BBX: variants seen among roughly 807,000 people sequenced by gnomAD.
BBX encodes HMG box transcription factor BBX.
BBX carries 30 observed loss-of-function variants against 100.2 expected under a neutral mutation model. The observed-to-expected ratio is 0.30, with a 90% CI of 0.22 to 0.41. The LOEUF (loss-of-function observed/expected upper bound fraction) is 0.41, where lower values mean the gene tolerates loss of function less well. BBX is among the 10% of genes least tolerant of loss of function. BBX has a pLI of 1.00. For missense variants in BBX, 1,023 were observed against 1,129.8 expected (o/e 0.91, Z 1.35); for synonymous variants, 376 against 388.1 (o/e 0.97, Z 0.37).
chr3:107,600,070 G>A (rs1042615672), intron 2 of BBX, among the ~76,000 whole-genome samples: 2 of 152,202 alleles, frequency 1.3e-5, no homozygotes, highest in African/African-American at 4.8e-5. Context: ...TTACATTTAA[G>A]TGGAAAAATC....
intron 3 of BBX, among the ~76,000 whole-genome samples, chr3:107,696,567 G>A (rs541967882): frequency 2.6e-5 from 4 of 151,980 alleles, no homozygotes; most frequent in South Asian, 4.1e-4. Flanking sequence ...CAAGAGATCC[G>A]CTGTTAGTCT....
chr3:107,545,623 C>G (rs2049177098), intron 2 of BBX, among the ~76,000 whole-genome samples: 1 of 152,128 alleles, frequency 6.6e-6, no homozygotes. Flanking sequence ...GTAATGCCTT[C>G]TTTATCTTTG....
intron 2 of BBX, among the ~76,000 whole-genome samples, chr3:107,551,925 C>A (rs1341961419): frequency 6.6e-6 from 1 of 152,158 alleles, no homozygotes; most frequent in Non-Finnish European, 1.5e-5. Flanking sequence ...GAAGAAAGCC[C>A]TATGTTTACT....
At chr3:107,740,176 C>G (rs1297863452) in intron 7 of BBX, among the ~76,000 whole-genome samples, 1 of 151,886 alleles carries the variant, frequency 6.6e-6, no homozygotes, top group African/African-American at 2.4e-5. Context: ...GTCAGGTAGC[C>G]GAGTGCAGTG....
At chr3:107,769,241 G>A (rs2066689406) in intron 10 of BBX, among the ~76,000 whole-genome samples, 1 of 139,026 alleles carries the variant, frequency 7.2e-6, no homozygotes, top group Admixed American at 6.9e-5. Context: ...CAGATAGATA[G>A]GATAGATAGA....
At chr3:107,552,884 A>C (rs1374736891) in intron 2 of BBX, among the ~76,000 whole-genome samples, 1 of 152,234 alleles carries the variant, frequency 6.6e-6, no homozygotes, top group Admixed American at 6.5e-5. Flanking sequence ...AGGACATTGC[A>C]TTTCCAAATA....
At chr3:107,655,562 A>C (rs2058087872) in intron 3 of BBX, among the ~76,000 whole-genome samples, 1 of 144,774 alleles carries the variant, frequency 6.9e-6, no homozygotes, top group Non-Finnish European at 1.5e-5. Context: ...TCTGTTTCCC[A>C]AGCTGGAGTG....
chr3:107,705,124 A>G (rs9883282), intron 3 of BBX, among the ~76,000 whole-genome samples: 1 of 151,978 alleles, frequency 6.6e-6, no homozygotes, highest in Non-Finnish European at 1.5e-5. Flanking sequence ...TAGAGTTTCC[A>G]CTATGTTACA....
chr3:107,767,929 A>C (rs1705684788), intron 10 of BBX, among the ~76,000 whole-genome samples: 1 of 152,166 alleles, frequency 6.6e-6, no homozygotes, highest in African/African-American at 2.4e-5. Context: ...GGGAACTGGT[A>C]AAGAGGCATC....
At chr3:107,752,747 T>TG (rs2065173060) in intron 9 of BBX, among the ~76,000 whole-genome samples, 1 of 152,194 alleles carries the variant, frequency 6.6e-6, no homozygotes, top group South Asian at 2.1e-4. Context: ...ATTAACTTAT[T>TG]GGCAAGCCCT....
chr3:107,557,781 A>G (rs1451274381), intron 2 of BBX, among the ~76,000 whole-genome samples: 1 of 152,362 alleles, frequency 6.6e-6, no homozygotes, highest in Non-Finnish European at 1.5e-5. Flanking sequence ...AGTACAGTGC[A>G]TACCTTAAGC....
intron 2 of BBX, among the ~76,000 whole-genome samples, chr3:107,585,381 G>A (rs1213780406): frequency 6.6e-6 from 1 of 152,090 alleles, no homozygotes; most frequent in Non-Finnish European, 1.5e-5. Context: ...ACAGTAGTCT[G>A]GTTATTTATG....
chr3:107,760,654 G>A (rs1261996697), intron 10 of BBX, among the ~76,000 whole-genome samples: 1 of 152,114 alleles, frequency 6.6e-6, no homozygotes, highest in Non-Finnish European at 1.5e-5. Context: ...ATGAATGTGT[G>A]AAACTAGGGA....
intron 4 of BBX, among the ~76,000 whole-genome samples, chr3:107,712,116 A>G (rs1022948404): frequency 6.6e-5 from 10 of 152,224 alleles, no homozygotes; most frequent in East Asian, 1.9e-4. Context: ...GCTTCAAGCA[A>G]TCCTCCCTTC....
rs2067015802 is a variant in BBX at position 107,772,867 on chromosome 3, G to C, written c.1146G>C (p.Met382Ile). 2 of 1,612,916 alleles carry C rather than the reference G, an allele frequency of 1.2e-6. No homozygotes were observed. Among genetic ancestry groups the C allele is most frequent in the African/African-American group, 1.3e-5 (1 of 74,802 alleles). Residue 382 changes from methionine to isoleucine, a missense_variant, in exon 11 of 18, where the codon ATG (methionine) becomes ATC (isoleucine). Physicochemically the swap from Met to Ile is conservative, Grantham distance 10 (BLOSUM62 1). Transcript: ENST00000325805. The stretch of plus-strand genomic sequence containing the variant: ...AGGCATTGCAAATAGATGACATAAT[G>C]GCTATAAAAATGGAAGATCCCAAAG... ...NFEALQIDDI[M>I]AIKMEDPKEI...
chr3:107,787,233 G>A (rs1040678490), intron 13 of BBX, among the ~76,000 whole-genome samples: 1 of 152,076 alleles, frequency 6.6e-6, no homozygotes, highest in Admixed American at 6.6e-5. Context: ...TTGATGTCGT[G>A]ATCTACCCGC....
intron 5 of BBX, among the ~76,000 whole-genome samples, chr3:107,728,124 A>G (rs761867688): frequency 3.3e-5 from 5 of 152,332 alleles, no homozygotes; most frequent in Middle Eastern, 3.4e-3. Context: ...GCAACATCAC[A>G]TATCAGTGCT....
At chr3:107,716,958 C>T (rs900727797) in intron 5 of BBX, 109 bp downstream of exon 5, 1 of 1,323,726 alleles carries the variant, frequency 7.6e-7, no homozygotes, top group Non-Finnish European at 1.0e-6. Context: ...GAAGGTGAAT[C>T]ATAAATGAGA....
Position 107,716,811 on chromosome 3 carries a change from C to A in BBX, c.367C>A (p.Pro123Thr). Residue 123 changes from proline (P) to threonine (T), a missense_variant, in exon 5 of 18, where the codon CCA becomes ACA. By Grantham distance (38) the Pro-to-Thr change is conservative. Around this residue, in one of 9 missense-constraint regions of BBX, gnomAD observed 229 missense variants for 226.3 expected, o/e 1.01. Transcript: ENST00000325805. ...AGCTGATTGGTGGGCTGTTCTTGAT[C>A]CAAAGGAAAAGCAGAAATACACAGA... ...ILADWWAVLD[P>T]KEKQKYTDMA... is the part of the protein sequence containing the mutation. The A allele has an allele frequency of 6.2e-7, 1 of 1,613,492 alleles. No homozygotes were observed. The highest frequency in any genetic ancestry group is 8.5e-7 in the Non-Finnish European group (1 of 1,179,634).
Sources: allele counts gnomAD v4.1 joint callset (sites outside exome capture counted in the v4.1 genomes callset), GRCh38; gene constraint gnomAD v4.1.1; regional missense constraint gnomAD v4.1.1; transcripts MANE v1.5; gene names NCBI Gene and HGNC (gene_info 2026-07-23, HGNC 2026-07-21).